SPACA1: variants seen among roughly 807,000 people sequenced by gnomAD.
SPACA1 encodes sperm acrosome associated 1.
In SPACA1, 17 loss-of-function variants were observed where a neutral mutation model predicts 32.6. The observed-to-expected ratio is 0.52, with a 90% CI of 0.36 to 0.78. SPACA1 has a LOEUF of 0.78. Ranked by LOEUF, SPACA1 falls within the 30% of genes least tolerant of loss-of-function variation. SPACA1 has a pLI of 0.01. For missense variants in SPACA1, 363 were observed against 373.4 expected, an observed-to-expected ratio of 0.97 and a Z score of 0.23; for synonymous variants, 140 against 138.1, an observed-to-expected ratio of 1.01 and a Z score of -0.10.
At chr6:88,049,399 C>T (rs540670795) in intron 1 of SPACA1, among the ~76,000 whole-genome samples, 5 of 152,290 alleles carry the variant, frequency 3.3e-5, no homozygotes, top group East Asian at 1.9e-4. Context: ...TCCTCATCTA[C>T]GGACTTCAAG....
At chr6:88,056,794 T>C (rs1775815975) in intron 2 of SPACA1, among the ~76,000 whole-genome samples, 1 of 152,154 alleles carries the variant, frequency 6.6e-6, no homozygotes, top group East Asian at 1.9e-4. Flanking sequence ...TCCCATGTTT[T>C]GTTATTTCTC....
chr6:88,052,779 G>A (rs1466649374), intron 1 of SPACA1, among the ~76,000 whole-genome samples: 1 of 152,180 alleles, frequency 6.6e-6, no homozygotes, highest in Non-Finnish European at 1.5e-5. Context: ...GGAGGTTGCA[G>A]TGAGCCGGGA....
chr6:88,051,435 C>T (rs914134175), intron 1 of SPACA1, among the ~76,000 whole-genome samples: 5 of 152,152 alleles, frequency 3.3e-5, no homozygotes, highest in African/African-American at 1.2e-4. Context: ...CTGAAAAACT[C>T]AAATTGCACT....
At chr6:88,064,680 T>A (rs1257773108) in intron 6 of SPACA1, among the ~76,000 whole-genome samples, 1 of 151,160 alleles carries the variant, frequency 6.6e-6, no homozygotes, top group Non-Finnish European at 1.5e-5. Context: ...TAAAAATGAA[T>A]AATGAATACA....
intron 1 of SPACA1, 92 bp from the exon 2 acceptor site, chr6:88,053,854 C>A: frequency 9.7e-7 from 1 of 1,032,050 alleles, no homozygotes; most frequent in Non-Finnish European, 1.5e-6. Flanking sequence ...CTGCCCATAT[C>A]ATACACATGT....
At chr6:88,060,634 T>C (rs1235768682) in intron 5 of SPACA1, among the ~76,000 whole-genome samples, 1 of 152,224 alleles carries the variant, frequency 6.6e-6, no homozygotes, top group Admixed American at 6.5e-5. Flanking sequence ...ATCTTATTCC[T>C]CTATTGGGAT....
In SPACA1 at chr6:88,059,542, T is replaced by C. The variant is rs1349935930; in HGVS notation, c.564T>C (p.Asn188=). 6.2e-7 allele frequency: 1 copy of C among 1,613,504 alleles called. No homozygotes were observed. Among genetic ancestry groups the C allele is most frequent in the Admixed American group, 1.7e-5 (1 of 59,926 alleles). The change falls in exon 5 of 7, where the codon AAT becomes AAC. Residue 188 remains asparagine, a synonymous_variant. Coordinates refer to ENST00000237201, the MANE Select transcript of SPACA1 (RefSeq NM_030960.3). ...CTTTCGAGTGTGACACACTGGATAA[T>C]AATGAAATAGTAGCAACTATTAAAT... The part of the protein sequence containing the change: ...PLAFECDTLD[N]NEIVATIKFT...
chr6:88,066,174 T>C lies in SPACA1; in HGVS notation c.732-8T>C. Reference sequence around the variant, plus strand: ...TATGGTGGTTTTGGTTTTTGTTTTTTCTTCCAGGGCAGCAGTCAAGGCTTT... The same window carrying C: ...TATGGTGGTTTTGGTTTTTGTTTTTCCTTCCAGGGCAGCAGTCAAGGCTTT... On this transcript the variant is annotated splice_polypyrimidine_tract_variant and splice_region_variant and intron_variant, in intron 6 of 6. Transcript: ENST00000237201. The C allele has an allele frequency of 6.4e-7, 1 of 1,550,828 alleles. No homozygotes were observed. The highest frequency in any genetic ancestry group is 8.7e-7 in the Non-Finnish European group (1 of 1,150,752).
At chr6:88,060,081 G>A (rs997005973) in intron 5 of SPACA1, among the ~76,000 whole-genome samples, 2 of 152,166 alleles carry the variant, frequency 1.3e-5, no homozygotes, top group Non-Finnish European at 2.9e-5. Flanking sequence ...TGAAACAAAT[G>A]TTTTTTGATG....
At chr6:88,066,111 A>G in intron 6 of SPACA1, 71 bp from the exon 7 acceptor site, 1 of 1,249,250 alleles carries the variant, frequency 8.0e-7, no homozygotes, top group African/African-American at 1.5e-5. Flanking sequence ...CTATACATAG[A>G]AAATATAGAA....
intron 2 of SPACA1, among the ~76,000 whole-genome samples, chr6:88,056,433 T>G (rs1775808229): frequency 6.6e-6 from 1 of 152,222 alleles, no homozygotes; most frequent in Non-Finnish European, 1.5e-5. Context: ...AAAGACCTTC[T>G]TCCTTCCATC....
chr6:88,062,963 C>T (rs751724811), intron 5 of SPACA1, among the ~76,000 whole-genome samples: 4 of 152,030 alleles, frequency 2.6e-5, no homozygotes, highest in Admixed American at 6.6e-5. Context: ...AGTAGGCAAA[C>T]GTTTCTTAGA....
At chr6:88,059,734 A>C in intron 5 of SPACA1, 146 bp downstream of exon 5, 1 of 746,302 alleles carries the variant, frequency 1.3e-6, no homozygotes, top group Middle Eastern at 4.1e-4. Flanking sequence ...TGGAACAAGA[A>C]TTTCCATTTC....
intron 5 of SPACA1, among the ~76,000 whole-genome samples, chr6:88,060,481 G>T (rs1183866143): frequency 6.6e-6 from 1 of 152,162 alleles, no homozygotes; most frequent in Non-Finnish European, 1.5e-5. Flanking sequence ...GTAGTTTAAA[G>T]ATACCGCACA....
intron 1 of SPACA1, among the ~76,000 whole-genome samples, chr6:88,050,358 G>C (rs1775710874): frequency 6.6e-6 from 1 of 152,046 alleles, no homozygotes; most frequent in South Asian, 2.1e-4. Context: ...AATTCATCTA[G>C]TATATTCATC....
At chr6:88,048,143 G>T in intron 1 of SPACA1, 30 bp downstream of exon 1, 1 of 1,554,522 alleles carries the variant, frequency 6.4e-7, no homozygotes, top group East Asian at 2.3e-5. Flanking sequence ...TGCGGGGCAC[G>T]CGGAGGCCCC....
At chr6:88,050,281 A>G (rs544520640) in intron 1 of SPACA1, among the ~76,000 whole-genome samples, 1 of 152,322 alleles carries the variant, frequency 6.6e-6, no homozygotes, top group South Asian at 2.1e-4. Context: ...TAACTACATG[A>G]TAATACCATA....
chr6:88,051,247 C>T (rs1016189187), intron 1 of SPACA1, among the ~76,000 whole-genome samples: 1 of 151,988 alleles, frequency 6.6e-6, no homozygotes, highest in Non-Finnish European at 1.5e-5. Context: ...CAAGTATACC[C>T]TTAGATTTAT....
chr6:88,050,079 C>A (rs1323758105), intron 1 of SPACA1, among the ~76,000 whole-genome samples: 2 of 152,228 alleles, frequency 1.3e-5, no homozygotes, highest in Non-Finnish European at 2.9e-5. Flanking sequence ...TCTACATAAT[C>A]TTTTCTTTCA....
Sources: gnomAD v4.1 joint callset for allele counts (sites outside exome capture counted in the v4.1 genomes callset) on GRCh38, gnomAD v4.1.1 for gene constraint, MANE v1.5 for transcripts, NCBI Gene and HGNC (gene_info 2026-07-23, HGNC 2026-07-21) for gene names.